Variants in PDE11A observed in about 807,000 individuals in gnomAD.
PDE11A encodes dual 3',5'-cyclic-AMP and -GMP phosphodiesterase 11A.
A neutral mutation model predicts 100.5 loss-of-function variants in PDE11A; 100 were observed. The ratio of observed to expected loss-of-function variants is 1.00; its 90% CI spans 0.85 to 1.18. The LOEUF (loss-of-function observed/expected upper bound fraction) is 1.18. Ranked by LOEUF, PDE11A falls within the 50% of genes most tolerant of loss-of-function variation. PDE11A has a pLI of 0.00. For missense variants in PDE11A, 1,141 were observed against 1,152.6 expected, an observed-to-expected ratio of 0.99 and a Z score of 0.15; for synonymous variants, 381 against 420.8, an observed-to-expected ratio of 0.91 and a Z score of 1.16.
intron 2 of PDE11A, among the ~76,000 whole-genome samples, chr2:177,991,368 G>T (rs879890043): frequency 1.3e-5 from 2 of 149,744 alleles, no homozygotes; most frequent in Non-Finnish European, 3.0e-5. Context: ...GGGCATGGTG[G>T]CTCACGCCTG....
In PDE11A at chr2:177,794,379, C is replaced by T. The variant is rs76372544; in HGVS notation, c.1737+22450G>A. Reference sequence around the variant, plus strand: ...GACAGAGTGAGGAAAGTGAGAATAACAGGAGGTCATAGAGGGACCAGGGAT... The same window carrying T: ...GACAGAGTGAGGAAAGTGAGAATAATAGGAGGTCATAGAGGGACCAGGGAT... On this transcript the variant is annotated intron_variant, in intron 9 of 19. Transcript: ENST00000286063. Among the ~76,000 whole-genome samples the T allele has an allele frequency of 3.3e-3, 498 of 152,256 alleles. 5 individuals are homozygous for T. The East Asian group carries it at 0.046, about 14-fold the overall frequency.
chr2:177,826,792 T>G (rs2083232481), intron 6 of PDE11A, among the ~76,000 whole-genome samples: 1 of 152,224 alleles, frequency 6.6e-6, no homozygotes, highest in Non-Finnish European at 1.5e-5. Flanking sequence ...TCCTTTCCCT[T>G]CTGCTCAACT....
intron 1 of PDE11A, among the ~76,000 whole-genome samples, chr2:178,070,724 T>C (rs10432484): frequency 6.6e-6 from 1 of 152,234 alleles, no homozygotes; most frequent in Admixed American, 6.5e-5. Context: ...CCTTTTCCAC[T>C]TGAAACTAAC....
At chr2:178,001,311 T>TGTGTGTGTGTGTGTGTGTGTGTGTGTGG (rs59287027) in intron 2 of PDE11A, among the ~76,000 whole-genome samples, 1 of 148,018 alleles carries the variant, frequency 6.8e-6, no homozygotes, top group Non-Finnish European at 1.5e-5. Context: ...TGTGTGTGTG[T>TGTGTGTGTGTGTGTGTGTGTGTGTGTGG]AGTAGGTTTA....
intron 10 of PDE11A, 57 bp from the exon 11 acceptor site, chr2:177,728,229 T>G (rs774921628): frequency 5.4e-5 from 80 of 1,479,280 alleles, no homozygotes; most frequent in Non-Finnish European, 7.5e-5. Context: ...CAAACCCCCA[T>G]CCTGCTCTCC....
At chr2:178,046,186 C>T (rs1020838196) in intron 1 of PDE11A, among the ~76,000 whole-genome samples, 19 of 152,194 alleles carry the variant, frequency 1.2e-4, no homozygotes, top group African/African-American at 4.3e-4. Context: ...CCAATAAATA[C>T]TGGCTATTAC....
At chr2:177,872,399 A>C (rs1274317073) in intron 5 of PDE11A, among the ~76,000 whole-genome samples, 1 of 152,218 alleles carries the variant, frequency 6.6e-6, no homozygotes, top group Non-Finnish European at 1.5e-5. Context: ...AGGGAGATGG[A>C]TTGAATCATT....
intron 17 of PDE11A, among the ~76,000 whole-genome samples, chr2:177,672,149 G>A (rs567871117): frequency 1.3e-5 from 2 of 152,138 alleles, no homozygotes; most frequent in East Asian, 3.9e-4. Context: ...TTCCCACATG[G>A]GAAAGGGGAG....
At chr2:177,835,687 G>A (rs572218301) in intron 6 of PDE11A, among the ~76,000 whole-genome samples, 7 of 152,214 alleles carry the variant, frequency 4.6e-5, no homozygotes, top group South Asian at 2.1e-4. Context: ...AGGTGCAAGC[G>A]GGAACTGGGG....
At chr2:177,971,759 A>G (rs1040228624) in intron 2 of PDE11A, among the ~76,000 whole-genome samples, 1 of 152,198 alleles carries the variant, frequency 6.6e-6, no homozygotes, top group Admixed American at 6.5e-5. Flanking sequence ...ATATAATAGC[A>G]GAAAAGGGAC....
intron 2 of PDE11A, among the ~76,000 whole-genome samples, chr2:177,971,150 T>A (rs568633306): frequency 1.3e-5 from 2 of 152,156 alleles, no homozygotes; most frequent in Non-Finnish European, 2.9e-5. Flanking sequence ...CATTGCTGTA[T>A]AGAAAAACCA....
intron 9 of PDE11A, among the ~76,000 whole-genome samples, chr2:177,815,816 G>A (rs2083029022): frequency 6.6e-6 from 1 of 152,156 alleles, no homozygotes; most frequent in African/African-American, 2.4e-5. Flanking sequence ...GATTTCATGT[G>A]TATTATATCA....
intron 12 of PDE11A, among the ~76,000 whole-genome samples, chr2:177,717,898 T>G (rs1399751360): frequency 6.6e-6 from 1 of 152,238 alleles, no homozygotes; most frequent in Admixed American, 6.5e-5. Context: ...CTCATTTTAA[T>G]GTTGATCCTG....
chr2:177,678,866 G>C (rs569141914), intron 16 of PDE11A, among the ~76,000 whole-genome samples: 18 of 152,188 alleles, frequency 1.2e-4, no homozygotes, highest in Non-Finnish European at 2.4e-4. Context: ...GCAAGCCCAA[G>C]AAAAGGGCTG....
At chr2:178,093,774 T>C (rs1241445966) in intron 2 of PDE11A, among the ~76,000 whole-genome samples, 1 of 152,222 alleles carries the variant, frequency 6.6e-6, no homozygotes, top group Admixed American at 6.5e-5. Flanking sequence ...CATGAAAGTC[T>C]TCTTAAATTC....
At chr2:177,964,167 T>C (rs193132408) in intron 2 of PDE11A, among the ~76,000 whole-genome samples, 1,789 of 151,256 alleles carry the variant, frequency 0.012, 34 homozygotes, top group African/African-American at 0.041. Context: ...TTTTTTTTAT[T>C]GAGACAGGGT....
chr2:177,812,299 A>G (rs1005741165), intron 9 of PDE11A, among the ~76,000 whole-genome samples: 3 of 152,166 alleles, frequency 2.0e-5, no homozygotes, highest in Non-Finnish European at 2.9e-5. Context: ...GTCAATAGCT[A>G]CTGAACCAGG....
intron 2 of PDE11A, among the ~76,000 whole-genome samples, chr2:177,930,438 A>G (rs1040001288): frequency 1.3e-5 from 2 of 152,222 alleles, no homozygotes; most frequent in Non-Finnish European, 2.9e-5. Context: ...ACCAAAAAAA[A>G]AAAAGTCTTG....
chr2:177,889,267 T>G (rs1408301739), intron 4 of PDE11A, among the ~76,000 whole-genome samples: 1 of 152,226 alleles, frequency 6.6e-6, no homozygotes, highest in African/African-American at 2.4e-5. Flanking sequence ...CTAGGTAGTC[T>G]AACATCAGAA....
Sources: allele counts gnomAD v4.1 joint callset (sites outside exome capture counted in the v4.1 genomes callset), GRCh38; gene constraint gnomAD v4.1.1; transcripts MANE v1.5; gene names NCBI Gene and HGNC (gene_info 2026-07-23, HGNC 2026-07-21).